Variants in DLG2 observed in about 807,000 individuals in gnomAD.
DLG2 encodes discs large MAGUK scaffold protein 2.
In DLG2, 45 loss-of-function variants were observed where a neutral mutation model predicts 132.5. That is an observed-to-expected ratio of 0.34 (90% CI 0.27 to 0.44). The LOEUF is 0.44. Among genes scored for constraint, DLG2 ranks in the 20% least tolerant of loss-of-function variants. DLG2 has a pLI of 1.00. For missense variants in DLG2, 1,045 were observed against 1,196.9 expected (o/e 0.87, Z 1.87); for synonymous variants, 424 against 419.6 (o/e 1.01, Z -0.13).
At chr11:84,383,369 C>G (rs959821114) in intron 7 of DLG2, among the ~76,000 whole-genome samples, 2 of 151,898 alleles carry the variant, frequency 1.3e-5, no homozygotes, top group Non-Finnish European at 2.9e-5. Context: ...ATGCATTTAC[C>G]TAGTACCTTC....
intron 6 of DLG2, among the ~76,000 whole-genome samples, chr11:84,854,216 A>C (rs923026403): frequency 6.6e-6 from 1 of 152,034 alleles, no homozygotes; most frequent in Non-Finnish European, 1.5e-5. Context: ...TTCAGCATCA[A>C]ATCACTGGCC....
intron 7 of DLG2, among the ~76,000 whole-genome samples, chr11:84,313,717 A>G (rs1321854463): frequency 6.7e-6 from 1 of 150,038 alleles, no homozygotes; most frequent in Non-Finnish European, 1.5e-5. Context: ...GGAAAGGAAG[A>G]AAGAAAGACA....
chr11:84,351,825 A>G (rs1341008941), intron 7 of DLG2, among the ~76,000 whole-genome samples: 1 of 152,176 alleles, frequency 6.6e-6, no homozygotes, highest in African/African-American at 2.4e-5. Flanking sequence ...GACTGTAACA[A>G]TGGAGGAGAA....
At chr11:84,880,517 A>G (rs932103574) in intron 6 of DLG2, among the ~76,000 whole-genome samples, 1 of 152,130 alleles carries the variant, frequency 6.6e-6, no homozygotes, top group African/African-American at 2.4e-5. Context: ...TTCCAATTTG[A>G]ATAAATATAA....
chr11:84,866,247 A>C (rs1218949491), intron 6 of DLG2, among the ~76,000 whole-genome samples: 2 of 152,146 alleles, frequency 1.3e-5, no homozygotes, highest in Non-Finnish European at 1.5e-5. Flanking sequence ...TTGCTGCTGG[A>C]GCCTGATCAA....
intron 2 of DLG2, among the ~76,000 whole-genome samples, chr11:85,607,939 T>A (rs181551299): frequency 6.6e-6 from 1 of 152,180 alleles, no homozygotes; most frequent in Non-Finnish European, 1.5e-5. Flanking sequence ...CTCTAACAAG[T>A]TTTCGACAAT....
intron 7 of DLG2, among the ~76,000 whole-genome samples, chr11:84,453,454 T>C (rs929276520): frequency 6.6e-6 from 1 of 151,512 alleles, no homozygotes; most frequent in Non-Finnish European, 1.5e-5. Context: ...AGAAGAGAAA[T>C]GGGAACCAGA....
chr11:83,487,141 T>TTGTC (rs1364584624), intron 21 of DLG2, among the ~76,000 whole-genome samples: 32 of 152,216 alleles, frequency 2.1e-4, no homozygotes, highest in African/African-American at 7.0e-4. Context: ...ATGATATTCT[T>TTGTC]TGTCTCTCTA....
intron 21 of DLG2, among the ~76,000 whole-genome samples, chr11:83,529,925 T>G (rs757105516): frequency 1.2e-4 from 19 of 152,118 alleles, no homozygotes; most frequent in Non-Finnish European, 2.6e-4. Flanking sequence ...CATATATATT[T>G]CAGCCTTACT....
intron 3 of DLG2, among the ~76,000 whole-genome samples, chr11:85,334,379 C>T (rs572134973): frequency 1.8e-4 from 28 of 152,106 alleles, no homozygotes; most frequent in African/African-American, 6.5e-4. Flanking sequence ...TTTTAAAGAA[C>T]AAATTTTTTG....
chr11:83,871,484 T>C (rs773407716), intron 16 of DLG2, among the ~76,000 whole-genome samples: 2 of 152,238 alleles, frequency 1.3e-5, no homozygotes, highest in Non-Finnish European at 2.9e-5. Flanking sequence ...CCTATGTAGT[T>C]GCTTTTCACA....
intron 3 of DLG2, among the ~76,000 whole-genome samples, chr11:85,388,413 C>T (rs547735265): frequency 1.3e-5 from 2 of 152,208 alleles, no homozygotes; most frequent in East Asian, 3.9e-4. Context: ...AGCTCTATAG[C>T]CCTGCCCACC....
intron 6 of DLG2, among the ~76,000 whole-genome samples, chr11:84,939,240 A>T (rs925545458): frequency 6.6e-6 from 1 of 152,108 alleles, no homozygotes; most frequent in Non-Finnish European, 1.5e-5. Context: ...ACAACAACAG[A>T]TCTTAAAAAT....
At chr11:84,942,384 T>C (rs2049558533) in intron 6 of DLG2, among the ~76,000 whole-genome samples, 1 of 152,172 alleles carries the variant, frequency 6.6e-6, no homozygotes, top group African/African-American at 2.4e-5. Flanking sequence ...TTCCTTTTAG[T>C]ATTGCCTTCA....
At chr11:84,919,413 T>A (rs1030974018) in intron 6 of DLG2, among the ~76,000 whole-genome samples, 1 of 152,188 alleles carries the variant, frequency 6.6e-6, no homozygotes, top group African/African-American at 2.4e-5. Context: ...ACTCTTTTTC[T>A]TAAAAGTTAT....
intron 19 of DLG2, among the ~76,000 whole-genome samples, chr11:83,597,775 C>T (rs1028986124): frequency 2.0e-5 from 3 of 147,620 alleles, no homozygotes; most frequent in Non-Finnish European, 4.5e-5. Flanking sequence ...ACAGAGTGAG[C>T]TCCCTGTCTC....
At chr11:84,537,529 C>A (rs2099358552) in intron 6 of DLG2, among the ~76,000 whole-genome samples, 1 of 152,032 alleles carries the variant, frequency 6.6e-6, no homozygotes, top group African/African-American at 2.4e-5. Flanking sequence ...AAATTTTGAC[C>A]ATTTTAACCA....
chr11:85,620,579 C>T (rs1416575928), intron 2 of DLG2, among the ~76,000 whole-genome samples: 1 of 152,196 alleles, frequency 6.6e-6, no homozygotes, highest in Non-Finnish European at 1.5e-5. Flanking sequence ...CTTCAGTGAA[C>T]ACACGAATAA....
intron 3 of DLG2, among the ~76,000 whole-genome samples, chr11:85,431,494 T>G (rs1428609982): frequency 6.6e-6 from 1 of 152,270 alleles, no homozygotes; most frequent in South Asian, 2.1e-4. Context: ...AACAGCCACA[T>G]GGCTAGAATC....
Sources: allele counts gnomAD v4.1 joint callset (sites outside exome capture counted in the v4.1 genomes callset), GRCh38; gene constraint gnomAD v4.1.1; transcripts MANE v1.5; gene names NCBI Gene and HGNC (gene_info 2026-07-23, HGNC 2026-07-21).